The following ARHGEF12 variants were observed in gnomAD, a reference collection of about 807,000 sequenced individuals.
ARHGEF12 encodes the protein KMT2A/ARHGEF12 fusion protein.
In ARHGEF12, 66 loss-of-function variants were observed where a neutral mutation model predicts 211.2. The observed-to-expected ratio is 0.31, with a 90% CI of 0.26 to 0.38. The LOEUF (loss-of-function observed/expected upper bound fraction) is 0.38, where lower values mean the gene tolerates loss of function less well. ARHGEF12 is among the 10% of genes least tolerant of loss of function. ARHGEF12 has a pLI of 1.00. For missense variants in ARHGEF12, 1,429 were observed against 1,869.5 expected, an observed-to-expected ratio of 0.76 and a Z score of 4.34; for synonymous variants, 592 against 638.4, an observed-to-expected ratio of 0.93 and a Z score of 1.09.
In ARHGEF12 at chr11:120,478,216, G is replaced by C; in HGVS notation, c.3593G>C (p.Ser1198Thr). ...TCAAAACCTCAGTCTCATTCACTGAGTACCTCTGGGAAATCAGAGGTACGT... is the reference window on the plus strand; with the variant it reads ...TCAAAACCTCAGTCTCATTCACTGACTACCTCTGGGAAATCAGAGGTACGT... ...ISSKPQSHSL[S>T]TSGKSEVRDL... The change falls in exon 37 of 41, where the codon AGT becomes ACT. Residue 1198 changes from serine to threonine, a missense_variant. Transcript: ENST00000397843. 2 of 1,614,104 alleles carry C rather than the reference G, an allele frequency of 1.2e-6. No individual in the cohort carries two copies. Among genetic ancestry groups the C allele is most frequent in the Non-Finnish European group, 1.7e-6 (2 of 1,180,030 alleles).
At chr11:120,425,459 T>G (rs1428611980) in intron 7 of ARHGEF12, among the ~76,000 whole-genome samples, 1 of 151,852 alleles carries the variant, frequency 6.6e-6, no homozygotes, top group African/African-American at 2.4e-5. Flanking sequence ...ACCTTGTTTT[T>G]TGTTTTTTGT....
At position 120,457,191 on chromosome 11, in the gene ARHGEF12, C is replaced by G. The variant is rs774771650; in HGVS notation, c.2130C>G (p.Val710=). The change falls in exon 23 of 41, where the codon GTC becomes GTG. Residue 710 remains valine, a synonymous_variant. Coordinates refer to ENST00000397843, the MANE Select transcript of ARHGEF12 (RefSeq NM_015313.3). ...LDGTPRTLNT[V]FDFPPPPLDQ... ...GCACACCTCGTACTCTCAATACTGT[C>G]TTTGATTTCCCACCACCTCCATTAG... 1.2e-6 allele frequency: 2 copies of G among 1,614,126 alleles called. No individual in the cohort carries two copies. The highest frequency in any genetic ancestry group is 1.7e-5 in the Admixed American group (1 of 60,020).
At chr11:120,404,849 C>T (rs1025798702) in intron 1 of ARHGEF12, among the ~76,000 whole-genome samples, 4 of 152,134 alleles carry the variant, frequency 2.6e-5, no homozygotes, top group Non-Finnish European at 5.9e-5. Context: ...CCATTCCCTC[C>T]CTCTCCTACC....
chr11:120,358,511 A>C (rs1294650146), intron 1 of ARHGEF12, among the ~76,000 whole-genome samples: 4 of 152,190 alleles, frequency 2.6e-5, no homozygotes, highest in African/African-American at 9.7e-5. Context: ...TAAGTTACTA[A>C]ATCTTTAGTT....
intron 4 of ARHGEF12, among the ~76,000 whole-genome samples, chr11:120,417,804 T>C (rs1945075827): frequency 6.6e-6 from 1 of 152,214 alleles, no homozygotes; most frequent in South Asian, 2.1e-4. Context: ...CCAGAATCTC[T>C]GATTCTATTT....
intron 15 of ARHGEF12, among the ~76,000 whole-genome samples, chr11:120,442,768 A>G (rs1945919475): frequency 6.6e-6 from 1 of 152,096 alleles, no homozygotes. Context: ...CTTAATGCAT[A>G]CTGGATAATC....
At chr11:120,385,394 A>T in intron 1 of ARHGEF12, 1 of 985,304 alleles carries the variant, frequency 1.0e-6, no homozygotes, top group Non-Finnish European at 1.2e-6. Flanking sequence ...TTGCTAAGGG[A>T]GTGGTATTTT....
chr11:120,337,796 T>C (rs1362447670), intron 1 of ARHGEF12: 1 of 985,340 alleles, frequency 1.0e-6, no homozygotes, highest in Admixed American at 6.1e-5. Flanking sequence ...TCTAATAACT[T>C]TCCAGAATGT....
chr11:120,480,500 G>C, intron 38 of ARHGEF12, 70 bp downstream of exon 38: 1 of 1,438,494 alleles, frequency 7.0e-7, no homozygotes, highest in Non-Finnish European at 9.4e-7. Flanking sequence ...ATTTTGAAAT[G>C]GATGTTGTAT....
chr11:120,428,210 G>T lies in ARHGEF12; in HGVS notation c.548G>T (p.Gly183Val). 1.2e-6 allele frequency: 2 copies of T among 1,610,574 alleles called. No homozygotes were observed. The highest frequency in any genetic ancestry group is 3.4e-5 in the Admixed American group (2 of 59,504). ...MTSPHSPGAS[G>V]NMERITSPVL... ...TCTCCTCATTCACCTGGAGCATCTGGGAATATGGAGAGAATCACTAGTCCT... is the reference window on the plus strand; with the variant it reads ...TCTCCTCATTCACCTGGAGCATCTGTGAATATGGAGAGAATCACTAGTCCT... Residue 183 changes from glycine (G) to valine (V), a missense_variant, in exon 8 of 41, where the codon GGG (glycine) becomes GTG (valine). Around this residue, in one of 7 missense-constraint regions of ARHGEF12, gnomAD observed 254 missense variants for 286.4 expected, o/e 0.89. Coordinates refer to ENST00000397843, the MANE Select transcript of ARHGEF12 (RefSeq NM_015313.3).
chr11:120,458,958 T>C, intron 25 of ARHGEF12: 1 of 335,336 alleles, frequency 3.0e-6, no homozygotes, highest in Non-Finnish European at 5.2e-6. Flanking sequence ...AAAATAGTTT[T>C]GAATGATATT....
chr11:120,474,295 A>G (rs11217883), intron 31 of ARHGEF12, among the ~76,000 whole-genome samples: 29,377 of 152,074 alleles, frequency 0.19, 3,110 homozygotes, highest in Non-Finnish European at 0.23. Flanking sequence ...ATAATCTGTT[A>G]TCATCTGTTT....
intron 27 of ARHGEF12, 144 bp downstream of exon 27, chr11:120,460,901 C>G (rs942833340): frequency 1.4e-6 from 1 of 705,918 alleles, no homozygotes; most frequent in South Asian, 1.8e-5. Context: ...GCAGTAGATT[C>G]CATTTCAAGA....
intron 39 of ARHGEF12, 110 bp from the exon 40 acceptor site, chr11:120,484,328 G>A (rs1265458713): frequency 2.4e-6 from 2 of 822,676 alleles, no homozygotes; most frequent in East Asian, 5.5e-5. Context: ...TTTGAAATTT[G>A]GGGGCTTGTA....
In ARHGEF12 at chr11:120,485,517, ACACC is replaced by A. The variant is rs1253996522; in HGVS notation, c.*443_*446del. 1 of 241,316 alleles carries A rather than the reference ACACC, an allele frequency of 4.1e-6. No homozygotes were observed. Among genetic ancestry groups the A allele is most frequent in the Non-Finnish European group, 8.1e-6 (1 of 122,932 alleles). 14.9% of individuals were successfully genotyped at this position (241,316 alleles called of 1,614,324 possible). ...AGAGTTTTAGACCTTTGTCTTTAGT[ACACC>A]CAAGGATCAACTGCTCCTGAAGCAA... On this transcript the variant is annotated 3_prime_UTR_variant, in exon 41 of 41. Coordinates refer to ENST00000397843, the MANE Select transcript of ARHGEF12 (RefSeq NM_015313.3).
chr11:120,428,998 T>C (rs7129944), intron 8 of ARHGEF12, among the ~76,000 whole-genome samples: 29,722 of 152,106 alleles, frequency 0.2, 3,069 homozygotes, highest in African/African-American at 0.24. Flanking sequence ...CCTAGGATTA[T>C]AGGAAGACTA....
At chr11:120,370,450 C>T (rs77032927) in intron 1 of ARHGEF12, among the ~76,000 whole-genome samples, 62 of 152,208 alleles carry the variant, frequency 4.1e-4, no homozygotes, top group African/African-American at 1.4e-3. Context: ...CATCGCTATT[C>T]TTAGCTTTTT....
intron 1 of ARHGEF12, among the ~76,000 whole-genome samples, chr11:120,382,082 C>A (rs1943893214): frequency 6.6e-6 from 1 of 152,100 alleles, no homozygotes; most frequent in African/African-American, 2.4e-5. Flanking sequence ...TTTTTTCATT[C>A]CCCCATTAAA....
At chr11:120,351,737 C>G (rs997831053) in intron 1 of ARHGEF12, among the ~76,000 whole-genome samples, 1 of 152,046 alleles carries the variant, frequency 6.6e-6, no homozygotes, top group Non-Finnish European at 1.5e-5. Context: ...TCCCAAAATA[C>G]TGGGATTCCA....
Sources: allele counts gnomAD v4.1 joint callset (sites outside exome capture counted in the v4.1 genomes callset), GRCh38; gene constraint gnomAD v4.1.1; regional missense constraint gnomAD v4.1.1; transcripts MANE v1.5; gene names NCBI Gene and HGNC (gene_info 2026-07-23, HGNC 2026-07-21).